AIG1: variants seen among roughly 807,000 people sequenced by gnomAD.
The protein encoded by AIG1 is androgen-induced gene 1 protein.
A neutral mutation model predicts 31.4 loss-of-function variants in AIG1; 23 were observed. The ratio of observed to expected loss-of-function variants is 0.73; its 90% CI spans 0.53 to 1.04. The LOEUF (loss-of-function observed/expected upper bound fraction) is 1.04, where lower values mean the gene tolerates loss of function less well. Ranked by LOEUF, AIG1 falls within the 50% of genes least tolerant of loss-of-function variation. AIG1 has a pLI of 0.00. For missense variants in AIG1, 274 were observed against 295.0 expected (o/e 0.93, Z 0.52); for synonymous variants, 100 against 110.5 (o/e 0.90, Z 0.60).
intron 1 of AIG1, among the ~76,000 whole-genome samples, chr6:143,129,185 G>C (rs1469484664): frequency 6.6e-6 from 1 of 152,172 alleles, no homozygotes; most frequent in Non-Finnish European, 1.5e-5. Context: ...CAGCTATTTG[G>C]GAGGCCGAGG....
intron 3 of AIG1, among the ~76,000 whole-genome samples, chr6:143,251,177 T>A (rs1172923308): frequency 6.6e-6 from 1 of 152,076 alleles, no homozygotes; most frequent in African/African-American, 2.4e-5. Context: ...CTCAGCCTCC[T>A]GAGAAGCTGG....
chr6:143,247,332 A>G (rs4896629), intron 3 of AIG1, among the ~76,000 whole-genome samples: 103,486 of 152,140 alleles, frequency 0.68, 37,524 homozygotes, highest in East Asian at 0.95. Context: ...GGGCTTCCCC[A>G]TGTTAGCCAG....
At chr6:143,072,776 C>T (rs1304627996) in intron 1 of AIG1, among the ~76,000 whole-genome samples, 1 of 152,068 alleles carries the variant, frequency 6.6e-6, no homozygotes, top group Admixed American at 6.6e-5. Flanking sequence ...AGGTATACAA[C>T]ATGATGTTAT....
chr6:143,282,398 T>G (rs1039633579), intron 3 of AIG1, among the ~76,000 whole-genome samples: 37 of 152,190 alleles, frequency 2.4e-4, no homozygotes, highest in African/African-American at 8.4e-4. Flanking sequence ...TGCACCATTG[T>G]AAAACTATTG....
intron 1 of AIG1, among the ~76,000 whole-genome samples, chr6:143,118,351 C>T (rs537039419): frequency 3.3e-5 from 5 of 151,682 alleles, no homozygotes; most frequent in South Asian, 2.1e-4. Context: ...CCCAGCTACT[C>T]GAGAGGCTGA....
At chr6:143,269,495 A>T (rs904950702) in intron 3 of AIG1, among the ~76,000 whole-genome samples, 3 of 152,236 alleles carry the variant, frequency 2.0e-5, no homozygotes, top group Non-Finnish European at 4.4e-5. Flanking sequence ...AAATGCACGC[A>T]TGCCCACCAA....
intron 2 of AIG1, among the ~76,000 whole-genome samples, chr6:143,161,060 G>A (rs1234735029): frequency 6.6e-6 from 1 of 152,086 alleles, no homozygotes; most frequent in Admixed American, 6.6e-5. Context: ...GGGCTCTCTA[G>A]GGAAAAATAA....
intron 3 of AIG1, among the ~76,000 whole-genome samples, chr6:143,184,283 A>G (rs979785599): frequency 3.9e-5 from 6 of 152,034 alleles, no homozygotes; most frequent in African/African-American, 1.4e-4. Context: ...AAGATTTAAA[A>G]CCAGTCCCCT....
At chr6:143,156,463 C>T (rs990836810) in intron 2 of AIG1, among the ~76,000 whole-genome samples, 6 of 152,330 alleles carry the variant, frequency 3.9e-5, no homozygotes, top group Non-Finnish European at 5.9e-5. Context: ...TATACCTCTT[C>T]CTTTGGCAAT....
chr6:143,064,262 G>C (rs1776500302), intron 1 of AIG1, among the ~76,000 whole-genome samples: 1 of 152,148 alleles, frequency 6.6e-6, no homozygotes, highest in Non-Finnish European at 1.5e-5. Context: ...TAATTACAAG[G>C]GTCCTTAAAA....
intron 3 of AIG1, chr6:143,186,901 T>G (rs72990422): frequency 1.2e-5 from 2 of 164,032 alleles, no homozygotes; most frequent in Non-Finnish European, 2.7e-5. Flanking sequence ...GAGCTTGTTG[T>G]GGGATTCACA....
intron 1 of AIG1, among the ~76,000 whole-genome samples, chr6:143,100,506 A>G (rs887162707): frequency 3.3e-5 from 5 of 152,240 alleles, no homozygotes; most frequent in Non-Finnish European, 1.5e-5. Flanking sequence ...ACTTATTTTA[A>G]GAAATAATAG....
chr6:143,144,358 C>G (rs1389988338), intron 2 of AIG1, among the ~76,000 whole-genome samples: 2 of 152,158 alleles, frequency 1.3e-5, no homozygotes, highest in Non-Finnish European at 2.9e-5. Context: ...TCGATCTGTC[C>G]TTCAAAGGTT....
chr6:143,126,495 T>A (rs1389570519), intron 1 of AIG1, among the ~76,000 whole-genome samples: 1 of 152,184 alleles, frequency 6.6e-6, no homozygotes, highest in Non-Finnish European at 1.5e-5. Flanking sequence ...GAGAAAGAAT[T>A]ATGCGCTGTT....
rs1352440201 is a variant in AIG1, at chr6:143,291,407, TC to T, written c.515+7187del. On this transcript the variant is annotated intron_variant, in intron 4 of 5. Coordinates refer to ENST00000357847, the MANE Select transcript of AIG1 (RefSeq NM_016108.4). The surrounding 1 kb of genome is among the most constrained non-coding windows in gnomAD (Gnocchi z 4.2). ...AGAGGTCTAGCTGGAGCCAGCCAGA[TC>T]CCCCACATAAGGAAGCTCTTCATTT... Among the ~76,000 whole-genome samples the T allele has an allele frequency of 6.6e-6, 1 of 151,802 alleles. No homozygotes were observed. The highest frequency in any genetic ancestry group is 1.5e-5 in the Non-Finnish European group (1 of 67,964).
chr6:143,090,566 G>T (rs1404953333), intron 1 of AIG1, among the ~76,000 whole-genome samples: 1 of 152,174 alleles, frequency 6.6e-6, no homozygotes, highest in Non-Finnish European at 1.5e-5. Context: ...TGACGCACAT[G>T]AATTTTTTGG....
At chr6:143,313,431 TTAAGTGAAA>T (rs1163956031) in intron 4 of AIG1, among the ~76,000 whole-genome samples, 2 of 152,070 alleles carry the variant, frequency 1.3e-5, no homozygotes, top group Non-Finnish European at 2.9e-5. Context: ...GGTCATTACG[TTAAGTGAAA>T]TAAGCCAGGC....
chr6:143,227,055 G>A (rs1025330539), intron 3 of AIG1, among the ~76,000 whole-genome samples: 12 of 146,628 alleles, frequency 8.2e-5, no homozygotes, highest in Non-Finnish European at 1.5e-4. Flanking sequence ...TGTGACCCAA[G>A]GCAATTCTTC....
At chr6:143,229,794 A>AAAG (rs1427252198) in intron 3 of AIG1, among the ~76,000 whole-genome samples, 1 of 151,568 alleles carries the variant, frequency 6.6e-6, no homozygotes. Flanking sequence ...CAAAAAAAAA[A>AAAG]AAAAAAAAAA....
Sources: allele counts gnomAD v4.1 joint callset (sites outside exome capture counted in the v4.1 genomes callset), GRCh38; gene constraint gnomAD v4.1.1; non-coding constraint Gnocchi (gnomAD v3.1); transcripts MANE v1.5; gene names NCBI Gene and HGNC (gene_info 2026-07-23, HGNC 2026-07-21).